The following MACROD2 variants were observed in gnomAD, a reference collection of about 807,000 sequenced individuals.
The protein encoded by MACROD2 is ADP-ribose glycohydrolase MACROD2.
In MACROD2, 36 loss-of-function variants were observed where a neutral mutation model predicts 70.4. That is an observed-to-expected ratio of 0.51 (90% CI 0.39 to 0.68). MACROD2 has a LOEUF of 0.68. Among genes scored for constraint, MACROD2 ranks in the 30% least tolerant of loss-of-function variants. The pLI, the probability that MACROD2 is intolerant of heterozygous loss-of-function variation, is 0.00. For synonymous variants in MACROD2, 172 were observed against 178.8 expected (o/e 0.96, Z 0.30); for missense variants, 496 against 538.4 (o/e 0.92, Z 0.78).
At chr20:14,251,542 A>G (rs1172827503) in intron 3 of MACROD2, among the ~76,000 whole-genome samples, 1 of 152,112 alleles carries the variant, frequency 6.6e-6, no homozygotes, top group Non-Finnish European at 1.5e-5. Context: ...ATATTTCTAC[A>G]TATGTTAGAA....
At chr20:14,954,926 T>C (rs1250077622) in intron 5 of MACROD2, among the ~76,000 whole-genome samples, 1 of 107,088 alleles carries the variant, frequency 9.3e-6, no homozygotes, top group Non-Finnish European at 1.6e-5. Flanking sequence ...ATTAAATATA[T>C]TATATATTTA....
chr20:14,139,799 T>G (rs1006916255), intron 3 of MACROD2, among the ~76,000 whole-genome samples: 1 of 152,198 alleles, frequency 6.6e-6, no homozygotes, highest in Non-Finnish European at 1.5e-5. Context: ...CTGAAATGCT[T>G]CCAAATCTGA....
At chr20:14,269,167 C>T (rs979579631) in intron 3 of MACROD2, among the ~76,000 whole-genome samples, 7 of 152,006 alleles carry the variant, frequency 4.6e-5, no homozygotes, top group East Asian at 1.9e-4. Flanking sequence ...AAATTAGTGC[C>T]GACCTTCATA....
At chr20:15,520,925 A>T (rs1600527836) in intron 8 of MACROD2, among the ~76,000 whole-genome samples, 1 of 152,254 alleles carries the variant, frequency 6.6e-6, no homozygotes, top group Admixed American at 6.5e-5. Context: ...ACTAGAGTTC[A>T]TGGCGGAGCT....
intron 5 of MACROD2, chr20:14,685,177 A>G: frequency 5.1e-6 from 1 of 197,100 alleles, no homozygotes; most frequent in Non-Finnish European, 1.0e-5. Context: ...ATATATATAT[A>G]TGTATATACA....
intron 5 of MACROD2, among the ~76,000 whole-genome samples, chr20:14,706,290 G>C (rs2071269623): frequency 6.6e-6 from 1 of 151,430 alleles, no homozygotes; most frequent in African/African-American, 2.4e-5. Context: ...CTCCAGCCTG[G>C]TGACAGAGCA....
intron 12 of MACROD2, among the ~76,000 whole-genome samples, chr20:15,945,113 A>G (rs996024720): frequency 1.3e-5 from 2 of 152,192 alleles, no homozygotes; most frequent in Non-Finnish European, 2.9e-5. Context: ...ATAAAATAAG[A>G]ACACTAATAG....
At chr20:15,880,702 G>C (rs1290915473) in intron 9 of MACROD2, among the ~76,000 whole-genome samples, 1 of 151,940 alleles carries the variant, frequency 6.6e-6, no homozygotes, top group Non-Finnish European at 1.5e-5. Context: ...AACCCTAAAG[G>C]GTGTTAATTC....
rs529851261 is a variant in MACROD2, at chr20:15,532,457, C to A, written c.645+32610C>A. Among the ~76,000 whole-genome samples the A allele has an allele frequency of 2.6e-5, 4 of 151,934 alleles. No individual in the cohort carries two copies. In the South Asian group the frequency reaches 6.2e-4, roughly 24 times the overall value. ...CAAAATATTTTGCAAGTTTTAGCTA[C>A]CTATCTGAAATGTTGGAAGCAAACC... On this transcript the variant is annotated intron_variant, in intron 8 of 17. Coordinates refer to ENST00000684519, the MANE Select transcript of MACROD2 (RefSeq NM_001351661.2).
At chr20:15,477,059 T>C (rs1292983408) in intron 7 of MACROD2, among the ~76,000 whole-genome samples, 2 of 151,922 alleles carry the variant, frequency 1.3e-5, no homozygotes, top group East Asian at 3.9e-4. Flanking sequence ...ATTTCTATAG[T>C]GTTTTTGCTC....
intron 3 of MACROD2, among the ~76,000 whole-genome samples, chr20:14,249,410 A>G (rs2081993131): frequency 6.6e-6 from 1 of 151,864 alleles, no homozygotes; most frequent in South Asian, 2.1e-4. Context: ...AGAAATAGGA[A>G]GGGGCAAAAC....
intron 8 of MACROD2, among the ~76,000 whole-genome samples, chr20:15,845,410 A>C (rs2064219801): frequency 6.6e-6 from 1 of 152,160 alleles, no homozygotes; most frequent in Admixed American, 6.6e-5. Flanking sequence ...TGCTCATTAC[A>C]GTTTGAAAAC....
At chr20:14,342,962 C>G (rs1425446974) in intron 3 of MACROD2, among the ~76,000 whole-genome samples, 1 of 152,060 alleles carries the variant, frequency 6.6e-6, no homozygotes, top group Admixed American at 6.6e-5. Context: ...GGGAGAAATG[C>G]AATTAAAAAT....
intron 5 of MACROD2, among the ~76,000 whole-genome samples, chr20:14,943,735 C>T (rs991761982): frequency 6.6e-6 from 1 of 152,008 alleles, no homozygotes; most frequent in African/African-American, 2.4e-5. Context: ...ATTTAAATAC[C>T]AATAGTAGAT....
intron 6 of MACROD2, among the ~76,000 whole-genome samples, chr20:15,423,685 G>T (rs2046259463): frequency 2.0e-5 from 3 of 152,068 alleles, no homozygotes; most frequent in Admixed American, 6.6e-5. Context: ...ATTCATGAGG[G>T]AAGGGCTCCA....
At chr20:14,737,551 G>A (rs895680156) in intron 5 of MACROD2, among the ~76,000 whole-genome samples, 2 of 152,054 alleles carry the variant, frequency 1.3e-5, no homozygotes, top group Non-Finnish European at 2.9e-5. Flanking sequence ...GATGGTTGAC[G>A]TAATTTACAC....
intron 10 of MACROD2, among the ~76,000 whole-genome samples, chr20:15,932,951 G>A (rs1436453718): frequency 6.6e-6 from 1 of 152,198 alleles, no homozygotes; most frequent in Non-Finnish European, 1.5e-5. Context: ...AGTCAAGGGA[G>A]AAAAGTGGAC....
At chr20:14,145,880 C>T (rs1601278992) in intron 3 of MACROD2, among the ~76,000 whole-genome samples, 1 of 152,242 alleles carries the variant, frequency 6.6e-6, no homozygotes, top group East Asian at 1.9e-4. Flanking sequence ...TCAATATTAA[C>T]GTAATGTTAA....
At chr20:14,457,987 G>A (rs2084323197) in intron 3 of MACROD2, among the ~76,000 whole-genome samples, 2 of 152,026 alleles carry the variant, frequency 1.3e-5, no homozygotes, top group East Asian at 1.9e-4. Flanking sequence ...TGTAATCCCA[G>A]CTACTTGGGA....
Sources: gnomAD v4.1 joint callset for allele counts (sites outside exome capture counted in the v4.1 genomes callset) on GRCh38, gnomAD v4.1.1 for gene constraint, MANE v1.5 for transcripts, NCBI Gene and HGNC (gene_info 2026-07-23, HGNC 2026-07-21) for gene names.